The following MCU variants were observed in gnomAD, a reference collection of about 807,000 sequenced individuals.
MCU encodes mitochondrial calcium uniporter, also known as calcium uniporter protein, mitochondrial.
In MCU, 12 loss-of-function variants were observed where a neutral mutation model predicts 45.2. The observed-to-expected ratio is 0.27, with a 90% CI of 0.17 to 0.43. The LOEUF (loss-of-function observed/expected upper bound fraction) is 0.43, where lower values mean the gene tolerates loss of function less well. MCU is among the 20% of genes least tolerant of loss of function. The pLI is 1.00. For synonymous variants in MCU, 160 were observed against 165.1 expected (o/e 0.97, Z 0.24); for missense variants, 324 against 436.7 (o/e 0.74, Z 2.30).
At chr10:72,751,537 G>A (rs544101383) in intron 1 of MCU, among the ~76,000 whole-genome samples, 36 of 150,376 alleles carry the variant, frequency 2.4e-4, no homozygotes, top group Admixed American at 2.1e-3. Context: ...GTATTTTTTG[G>A]TAGAGACGGG....
chr10:72,720,746 C>G (rs2132671797), intron 1 of MCU, among the ~76,000 whole-genome samples: 1 of 152,264 alleles, frequency 6.6e-6, no homozygotes, highest in East Asian at 1.9e-4. Context: ...ACAGATTTTA[C>G]TTGTATTCTC....
intron 1 of MCU, among the ~76,000 whole-genome samples, chr10:72,716,903 G>A (rs1010042864): frequency 1.3e-5 from 2 of 152,038 alleles, no homozygotes; most frequent in Non-Finnish European, 2.9e-5. Context: ...CAGATTCATG[G>A]AAGAATTATT....
At chr10:72,837,332 T>C (rs891341807) in intron 2 of MCU, among the ~76,000 whole-genome samples, 6 of 152,080 alleles carry the variant, frequency 3.9e-5, no homozygotes, top group African/African-American at 1.2e-4. Context: ...GACCAAACCA[T>C]GGAACAAACA....
intron 2 of MCU, among the ~76,000 whole-genome samples, chr10:72,844,217 T>C (rs1243811362): frequency 6.6e-6 from 1 of 152,170 alleles, no homozygotes; most frequent in Non-Finnish European, 1.5e-5. Context: ...CAAAACACTA[T>C]CGCTACTAAA....
At chr10:72,715,728 A>T in intron 1 of MCU, 1 of 205,434 alleles carries the variant, frequency 4.9e-6, no homozygotes, top group South Asian at 1.7e-4. Flanking sequence ...GTTTATCATT[A>T]AAGTTGCTAA....
intron 2 of MCU, among the ~76,000 whole-genome samples, chr10:72,856,149 T>C (rs1564575648): frequency 6.6e-6 from 1 of 152,182 alleles, no homozygotes; most frequent in Non-Finnish European, 1.5e-5. Flanking sequence ...AGAAGCCAGA[T>C]ATAAAAGGGT....
rs551240484 is a variant in MCU, at chr10:72,697,986, C to T, written c.150+5685C>T. On this transcript the variant is annotated intron_variant, in intron 1 of 7. Coordinates refer to ENST00000373053, the MANE Select transcript of MCU (RefSeq NM_138357.3). ...TTGGAGAAACAGTCTTGCTATGTTG[C>T]CCAAGCTGGTTTCTTAACTCCTGGC... is the stretch of plus-strand genomic sequence containing the variant. Among the ~76,000 whole-genome samples, 4 of 150,966 alleles carry T rather than the reference C, an allele frequency of 2.6e-5. No individual in the cohort carries two copies. The East Asian group carries it at 7.8e-4, about 29-fold the overall frequency.
intron 1 of MCU, among the ~76,000 whole-genome samples, chr10:72,750,557 A>C (rs1254083980): frequency 6.6e-6 from 1 of 152,204 alleles, no homozygotes; most frequent in Non-Finnish European, 1.5e-5. Flanking sequence ...ATGATCCAGT[A>C]GGCTTTTACA....
intron 1 of MCU, among the ~76,000 whole-genome samples, chr10:72,754,200 C>T (rs1843542316): frequency 6.6e-6 from 1 of 152,158 alleles, no homozygotes; most frequent in African/African-American, 2.4e-5. Flanking sequence ...CTTATTTCAG[C>T]ATCTGTGAGC....
chr10:72,754,471 C>T (rs765975050), intron 1 of MCU, among the ~76,000 whole-genome samples: 6 of 152,114 alleles, frequency 3.9e-5, no homozygotes, highest in South Asian at 2.1e-4. Flanking sequence ...ACACTGGAGG[C>T]GGGGCATGCT....
intron 1 of MCU, among the ~76,000 whole-genome samples, chr10:72,777,463 A>G (rs1051826039): frequency 2.6e-5 from 4 of 152,240 alleles, no homozygotes; most frequent in Admixed American, 2.0e-4. Flanking sequence ...AGTCTTTCCA[A>G]TAAATGGTAC....
chr10:72,838,831 T>C (rs1844999979), intron 2 of MCU, among the ~76,000 whole-genome samples: 1 of 152,110 alleles, frequency 6.6e-6, no homozygotes, highest in African/African-American at 2.4e-5. Context: ...AATATATAAA[T>C]TCGAAACCTA....
At chr10:72,805,655 TTG>T (rs1844437273) in intron 1 of MCU, among the ~76,000 whole-genome samples, 1 of 152,188 alleles carries the variant, frequency 6.6e-6, no homozygotes, top group African/African-American at 2.4e-5. Flanking sequence ...TGCCATTTAT[TTG>T]TTGAATAAAC....
At chr10:72,757,619 G>T (rs1843597561) in intron 1 of MCU, among the ~76,000 whole-genome samples, 1 of 152,124 alleles carries the variant, frequency 6.6e-6, no homozygotes, top group African/African-American at 2.4e-5. Context: ...TCTAAAGAGG[G>T]AAAGAATTTA....
intron 1 of MCU, chr10:72,736,557 A>T (rs1271883365): frequency 6.6e-6 from 1 of 152,204 alleles, no homozygotes; most frequent in Admixed American, 6.5e-5. Flanking sequence ...ATTATGACCA[A>T]CACTTGCATC....
chr10:72,788,604 G>C (rs948245182), intron 1 of MCU, among the ~76,000 whole-genome samples: 2 of 152,104 alleles, frequency 1.3e-5, no homozygotes, highest in Non-Finnish European at 2.9e-5. Flanking sequence ...TCCAGCCTGG[G>C]CCACAGATTG....
chr10:72,813,972 A>G lies in MCU; in HGVS notation c.151-20387A>G, dbSNP rs866260218. 1.1e-4 allele frequency among the ~76,000 whole-genome samples: 16 copies of G among 152,334 alleles called. No homozygotes were observed. In the South Asian group the frequency reaches 1.7e-3, roughly 16 times the overall value. On this transcript the variant is annotated intron_variant, in intron 1 of 7. Transcript: ENST00000373053. ...TGCTACACACTGTGTTTTGTAACTG[A>G]CAGTGTGATGTTTCAACACCTAGAC...
intron 1 of MCU, among the ~76,000 whole-genome samples, chr10:72,806,807 C>A (rs1296056753): frequency 6.6e-6 from 1 of 152,072 alleles, no homozygotes; most frequent in Non-Finnish European, 1.5e-5. Context: ...GAGAAGGAAC[C>A]AATCATGCAA....
intron 1 of MCU, among the ~76,000 whole-genome samples, chr10:72,801,160 G>A (rs1485029040): frequency 1.3e-5 from 2 of 152,088 alleles, no homozygotes; most frequent in East Asian, 3.9e-4. Flanking sequence ...AATTTGTGGG[G>A]GTGGGGATAG....
Sources: gnomAD v4.1 joint callset for allele counts (sites outside exome capture counted in the v4.1 genomes callset) on GRCh38, gnomAD v4.1.1 for gene constraint, MANE v1.5 for transcripts, NCBI Gene and HGNC (gene_info 2026-07-23, HGNC 2026-07-21) for gene names.